Variants in FRMD4A observed in about 807,000 individuals in gnomAD.
The protein encoded by FRMD4A is FERM domain containing 4A, also known as FERM domain-containing protein 4A.
In FRMD4A, 29 loss-of-function variants were observed where a neutral mutation model predicts 129.1. The ratio of observed to expected loss-of-function variants is 0.22; its 90% CI spans 0.17 to 0.31. FRMD4A has a LOEUF of 0.31. Ranked by LOEUF, FRMD4A falls within the 10% of genes least tolerant of loss-of-function variation. FRMD4A has a pLI of 1.00. For synonymous variants in FRMD4A, 634 were observed against 571.6 expected, an observed-to-expected ratio of 1.11 and a Z score of -1.56; for missense variants, 1,272 against 1,375.8, an observed-to-expected ratio of 0.92 and a Z score of 1.19.
chr10:14,290,920 A>G (rs182378827), intron 2 of FRMD4A, among the ~76,000 whole-genome samples: 65 of 152,248 alleles, frequency 4.3e-4, no homozygotes, highest in African/African-American at 1.5e-3. Flanking sequence ...AAAGGTGTCT[A>G]TTATTACTAG....
At chr10:14,280,919 C>T (rs1845495644) in intron 2 of FRMD4A, among the ~76,000 whole-genome samples, 1 of 149,698 alleles carries the variant, frequency 6.7e-6, no homozygotes, top group Non-Finnish European at 1.5e-5. Context: ...AAAATAGGGC[C>T]TTTAAAAGAT....
At chr10:14,023,189 T>C (rs1378500092) in intron 2 of FRMD4A, among the ~76,000 whole-genome samples, 1 of 152,050 alleles carries the variant, frequency 6.6e-6, no homozygotes, top group African/African-American at 2.4e-5. Context: ...GACGCATTCC[T>C]CCTCCAGGCA....
intron 2 of FRMD4A, among the ~76,000 whole-genome samples, chr10:13,930,243 C>T (rs2095177829): frequency 6.6e-6 from 1 of 152,198 alleles, no homozygotes; most frequent in Non-Finnish European, 1.5e-5. Flanking sequence ...GGCTCTACCT[C>T]CTTCACTCAC....
chr10:14,318,847 C>A (rs1440209363), intron 2 of FRMD4A, among the ~76,000 whole-genome samples: 1 of 152,176 alleles, frequency 6.6e-6, no homozygotes, highest in Non-Finnish European at 1.5e-5. Flanking sequence ...TATCCTCTCA[C>A]CTTGGATCTA....
chr10:13,991,707 T>C (rs528121587), intron 2 of FRMD4A: 98 of 152,780 alleles, frequency 6.4e-4, no homozygotes, highest in African/African-American at 2.3e-3. Context: ...CTTTGTTCTA[T>C]TTTTTACTCT....
intron 2 of FRMD4A, among the ~76,000 whole-genome samples, chr10:14,123,158 C>T (rs1034450172): frequency 4.0e-5 from 6 of 151,744 alleles, no homozygotes; most frequent in African/African-American, 4.8e-5. Context: ...CTAAAACCAC[C>T]GAGGCTGCAT....
At chr10:14,054,155 ACT>A (rs1390784635) in intron 2 of FRMD4A, among the ~76,000 whole-genome samples, 1 of 151,878 alleles carries the variant, frequency 6.6e-6, no homozygotes, top group Non-Finnish European at 1.5e-5. Flanking sequence ...ACAGAGTGAG[ACT>A]CTGTCTCTTA....
At chr10:13,884,144 TCTCACACACTCTCA>T (rs2094581234) in intron 2 of FRMD4A, among the ~76,000 whole-genome samples, 14 of 105,142 alleles carry the variant, frequency 1.3e-4, no homozygotes, top group Middle Eastern at 4.0e-3. Context: ...TCACACACAC[TCTCACACACTCTCA>T]CACACACACT....
chr10:13,859,051 A>C, intron 2 of FRMD4A, 139 bp from the exon 3 acceptor site: 1 of 675,828 alleles, frequency 1.5e-6, no homozygotes, highest in South Asian at 1.6e-5. Context: ...TAATGCCAGG[A>C]GTTGGAAGGA....
At chr10:14,181,102 TCAG>T (rs1240979877) in intron 2 of FRMD4A, among the ~76,000 whole-genome samples, 1 of 152,188 alleles carries the variant, frequency 6.6e-6, no homozygotes. Flanking sequence ...ACTTTTCCCT[TCAG>T]CAGTTCTTGC....
intron 15 of FRMD4A, chr10:13,693,462 T>A (rs533001637): frequency 9.0e-7 from 1 of 1,105,060 alleles, no homozygotes; most frequent in South Asian, 1.9e-5. Context: ...TCCGCATTTT[T>A]AAAAGCCGGA....
At chr10:14,112,753 T>C (rs1243827069) in intron 2 of FRMD4A, among the ~76,000 whole-genome samples, 1 of 152,346 alleles carries the variant, frequency 6.6e-6, no homozygotes, top group East Asian at 1.9e-4. Flanking sequence ...CTTGAACTCC[T>C]GACCTCAGGT....
intron 2 of FRMD4A, among the ~76,000 whole-genome samples, chr10:13,931,091 T>C (rs1294161012): frequency 1.3e-5 from 2 of 152,188 alleles, no homozygotes; most frequent in African/African-American, 2.4e-5. Flanking sequence ...CACTTCAGCC[T>C]CCCAAAGCCT....
intron 2 of FRMD4A, among the ~76,000 whole-genome samples, chr10:14,138,622 T>C (rs1326258869): frequency 2.0e-5 from 3 of 151,948 alleles, no homozygotes; most frequent in East Asian, 1.9e-4. Flanking sequence ...AGCCAGGCCG[T>C]GGTGGTGCGC....
intron 18 of FRMD4A, among the ~76,000 whole-genome samples, chr10:13,665,183 A>G (rs900734730): frequency 1.3e-5 from 2 of 152,040 alleles, no homozygotes; most frequent in Non-Finnish European, 2.9e-5. Flanking sequence ...CAGCTTAACT[A>G]TTTTTAAGTG....
intron 2 of FRMD4A, among the ~76,000 whole-genome samples, chr10:13,924,525 A>C (rs1402622373): frequency 6.6e-6 from 1 of 152,026 alleles, no homozygotes; most frequent in Non-Finnish European, 1.5e-5. Context: ...GCCATAAAGG[A>C]AGGACTTCTC....
intron 2 of FRMD4A, among the ~76,000 whole-genome samples, chr10:14,226,653 G>C (rs1262611975): frequency 1.3e-5 from 2 of 151,982 alleles, no homozygotes; most frequent in Non-Finnish European, 2.9e-5. Context: ...GTGTTCTAAG[G>C]GCATGGCGGG....
chr10:14,008,613 C>T (rs1026903619), intron 2 of FRMD4A: 11 of 527,130 alleles, frequency 2.1e-5, no homozygotes, highest in African/African-American at 2.1e-4. Context: ...AGCCCCTCGG[C>T]CGTACAGTAG....
intron 2 of FRMD4A, among the ~76,000 whole-genome samples, chr10:13,879,143 A>C (rs1201643337): frequency 6.6e-6 from 1 of 152,154 alleles, no homozygotes; most frequent in Non-Finnish European, 1.5e-5. Flanking sequence ...TTTAAATATG[A>C]GATTTAGCAC....
Sources: allele counts gnomAD v4.1 joint callset (sites outside exome capture counted in the v4.1 genomes callset), GRCh38; gene constraint gnomAD v4.1.1; transcripts MANE v1.5; gene names NCBI Gene and HGNC (gene_info 2026-07-23, HGNC 2026-07-21).